PRR5L: variants seen among roughly 807,000 people sequenced by gnomAD.
PRR5L encodes proline-rich protein 5-like.
In PRR5L, 21 loss-of-function variants were observed where a neutral mutation model predicts 36.4. That is an observed-to-expected ratio of 0.58 (90% confidence interval 0.41 to 0.83). The LOEUF is 0.83. Among genes scored for constraint, PRR5L ranks in the 40% least tolerant of loss-of-function variants. PRR5L has a pLI of 0.00. For synonymous variants in PRR5L, 188 were observed against 197.0 expected, an observed-to-expected ratio of 0.95 and a Z score of 0.38; for missense variants, 381 against 473.3, an observed-to-expected ratio of 0.80 and a Z score of 1.81.
chr11:36,423,091 CT>C (rs1858305463), intron 4 of PRR5L, among the ~76,000 whole-genome samples: 1 of 151,974 alleles, frequency 6.6e-6, no homozygotes, highest in African/African-American at 2.4e-5. Context: ...AGTTCAATTC[CT>C]TTTGTTGGAA....
intron 1 of PRR5L, among the ~76,000 whole-genome samples, chr11:36,382,689 G>C (rs1857390930): frequency 6.6e-6 from 1 of 152,192 alleles, no homozygotes; most frequent in Non-Finnish European, 1.5e-5. Flanking sequence ...CCTGTGCATA[G>C]TAGGATTTTT....
chr11:36,461,115 G>A (rs1859168953), intron 8 of PRR5L, among the ~76,000 whole-genome samples: 2 of 152,144 alleles, frequency 1.3e-5, no homozygotes, highest in African/African-American at 4.8e-5. Context: ...GAAGAGCAAG[G>A]GTCTGGAGAG....
chr11:36,347,165 T>A (rs1298901033), intron 1 of PRR5L, among the ~76,000 whole-genome samples: 1 of 152,198 alleles, frequency 6.6e-6, no homozygotes, highest in African/African-American at 2.4e-5. Context: ...GTAGGGTGAT[T>A]ATTCATTTTT....
intron 4 of PRR5L, chr11:36,425,339 C>CA (rs1189495581): frequency 1.3e-5 from 2 of 152,176 alleles, no homozygotes; most frequent in African/African-American, 4.8e-5. Context: ...TAAATGGTGG[C>CA]ATGAAGACCC....
intron 4 of PRR5L, among the ~76,000 whole-genome samples, chr11:36,423,879 G>C (rs1858324205): frequency 1.3e-5 from 2 of 152,202 alleles, no homozygotes; most frequent in Admixed American, 6.5e-5. Context: ...ACTGGCCACT[G>C]TGAGGGGCGA....
chr11:36,433,347 AT>A (rs1194109931), intron 5 of PRR5L, among the ~76,000 whole-genome samples: 1 of 151,998 alleles, frequency 6.6e-6, no homozygotes. Context: ...GTGGAATCAT[AT>A]GGTGTTTGTC....
At chr11:36,445,657 T>C (rs1034309605) in intron 6 of PRR5L, among the ~76,000 whole-genome samples, 2 of 152,206 alleles carry the variant, frequency 1.3e-5, no homozygotes, top group South Asian at 2.1e-4. Context: ...ATGGGTTTTA[T>C]AATGGTACCT....
chr11:36,342,357 A>G (rs144746120), intron 1 of PRR5L, among the ~76,000 whole-genome samples: 186 of 152,300 alleles, frequency 1.2e-3, no homozygotes, highest in African/African-American at 4.3e-3. Context: ...AATATGCCCC[A>G]TAAGAACAAA....
At chr11:36,376,325 G>T in intron 1 of PRR5L, 1 of 1,083,802 alleles carries the variant, frequency 9.2e-7, no homozygotes, top group South Asian at 1.9e-5. Context: ...GGAGGAGGGG[G>T]AGAAGGGGGA....
intron 1 of PRR5L, chr11:36,376,835 A>C: frequency 1.6e-6 from 1 of 643,678 alleles, no homozygotes; most frequent in Non-Finnish European, 1.9e-6. Flanking sequence ...AGCTAGGGAA[A>C]AGTGTCACGT....
intron 3 of PRR5L, among the ~76,000 whole-genome samples, chr11:36,404,268 CTT>C (rs869208636): frequency 5.0e-4 from 49 of 97,928 alleles, no homozygotes; most frequent in Admixed American, 5.7e-4. Flanking sequence ...TCCATCAGGT[CTT>C]TTTTTTTTTT....
At chr11:36,400,909 G>A in intron 1 of PRR5L, 88 bp from the exon 2 acceptor site, 1 of 1,076,384 alleles carries the variant, frequency 9.3e-7, no homozygotes, top group Non-Finnish European at 1.2e-6. Context: ...TGTTTTCGGG[G>A]TAGTTAGGCT....
At chr11:36,399,708 G>C (rs188535757) in intron 1 of PRR5L, among the ~76,000 whole-genome samples, 1 of 152,310 alleles carries the variant, frequency 6.6e-6, no homozygotes, top group African/African-American at 2.4e-5. Flanking sequence ...TATGAGATTC[G>C]TGGTGTTTCC....
At chr11:36,406,817 T>C (rs1190751036) in intron 3 of PRR5L, among the ~76,000 whole-genome samples, 1 of 152,206 alleles carries the variant, frequency 6.6e-6, no homozygotes, top group Non-Finnish European at 1.5e-5. Context: ...AGTCCTGTTA[T>C]ATGCAAGAGG....
chr11:36,349,395 C>G (rs948756270), intron 1 of PRR5L, among the ~76,000 whole-genome samples: 3 of 151,986 alleles, frequency 2.0e-5, no homozygotes, highest in African/African-American at 7.3e-5. Flanking sequence ...TTTCTGGCAT[C>G]TGTTTACCAA....
At chr11:36,314,659 C>T (rs1464147426) in intron 1 of PRR5L, among the ~76,000 whole-genome samples, 1 of 152,234 alleles carries the variant, frequency 6.6e-6, no homozygotes. Context: ...AGCTGTTTAG[C>T]TCTGTCCCTG....
rs146671960 is a variant in PRR5L, at chr11:36,386,719, T to C, written c.-125-14278T>C. 4.7e-3 allele frequency among the ~76,000 whole-genome samples: 720 copies of C among 152,360 alleles called. 5 individuals carry two copies. Among genetic ancestry groups the C allele is most frequent in the African/African-American group, 0.016 (686 of 41,588 alleles). On this transcript the variant is annotated intron_variant, in intron 1 of 8. Transcript: ENST00000530639. ...CTCTTGGTTCCTCTTCCTAGTCTTC[T>C]GCCTTTGGGCAAGTGAATCCCTATG... is the stretch of plus-strand genomic sequence containing the variant.
chr11:36,299,950 G>C (rs973376310), intron 1 of PRR5L, among the ~76,000 whole-genome samples: 2 of 152,160 alleles, frequency 1.3e-5, no homozygotes, highest in African/African-American at 4.8e-5. Context: ...CTGGCAACAG[G>C]AGTGACAGGT....
Position 36,351,675 on chromosome 11 carries a change from T to TTA in PRR5L, c.-125-49316_-125-49315dup, listed in dbSNP as rs1268378545. On this transcript the variant is annotated intron_variant, in intron 1 of 8. Transcript: ENST00000530639. The stretch of plus-strand genomic sequence containing the variant: ...TTTATATAAATATATATTTATATAC[T>TTA]TATATATTTATATATTTATATATTT... 3.2e-3 allele frequency among the ~76,000 whole-genome samples: 5 copies of TTA among 1,568 alleles called. 1 individual carries two copies. The highest frequency in any genetic ancestry group is 4.8e-3 in the Non-Finnish European group (4 of 832). 1.0% of individuals were successfully genotyped at this position (1,568 alleles called of 152,430 possible). A position where few individuals can be genotyped will look rare whatever the true frequency, so the allele number is the denominator to read the frequency against.
Sources: allele counts gnomAD v4.1 joint callset (sites outside exome capture counted in the v4.1 genomes callset), GRCh38; gene constraint gnomAD v4.1.1; transcripts MANE v1.5; gene names NCBI Gene and HGNC (gene_info 2026-07-23, HGNC 2026-07-21).